EXOSC3: variants seen among roughly 807,000 people sequenced by gnomAD.
The protein encoded by EXOSC3 is exosome complex component RRP40.
EXOSC3 carries 18 observed loss-of-function variants against 25.1 expected under a neutral mutation model. The ratio of observed to expected loss-of-function variants is 0.72; its 90% CI spans 0.50 to 1.06. The LOEUF is 1.06. Among genes scored for constraint, EXOSC3 ranks in the 50% least tolerant of loss-of-function variants. EXOSC3 has a pLI of 0.00. For synonymous variants in EXOSC3, 165 were observed against 132.2 expected, an observed-to-expected ratio of 1.25 and a Z score of -1.70; for missense variants, 382 against 350.9, an observed-to-expected ratio of 1.09 and a Z score of -0.71.
chr9:37,783,251 C>A (rs1306844450), intron 2 of EXOSC3, among the ~76,000 whole-genome samples: 1 of 152,050 alleles, frequency 6.6e-6, no homozygotes, highest in Non-Finnish European at 1.5e-5. Context: ...AGCGTGGAGG[C>A]AGGGATTAAT....
chr9:37,782,617 G>C (rs1255563090), intron 2 of EXOSC3, among the ~76,000 whole-genome samples: 1 of 152,148 alleles, frequency 6.6e-6, no homozygotes, highest in East Asian at 1.9e-4. Flanking sequence ...ACTCCGGCAT[G>C]CAAATTATTC....
Position 37,780,694 on chromosome 9 carries a change from T to C in EXOSC3, c.813A>G (p.Arg271=), listed in dbSNP as rs373942170. ...TSDQRKQIFS[R]LAES Reference sequence around the variant, plus strand: ...TCCACCTATATCAACTTTCTGCCAATCTGGAGAAGATCTGTTTTCTTTGAT... The same window carrying C: ...TCCACCTATATCAACTTTCTGCCAACCTGGAGAAGATCTGTTTTCTTTGAT... The change falls in exon 4 of 4, where the codon AGA becomes AGG. Residue 271 remains arginine, a synonymous_variant. Coordinates refer to ENST00000327304, the MANE Select transcript of EXOSC3 (RefSeq NM_016042.4). The C allele has an allele frequency of 6.8e-6, 11 of 1,613,526 alleles. No homozygotes were observed. The East Asian group carries it at 2.5e-4, about 36-fold the overall frequency.
At chr9:37,783,608 T>C (rs1425863584) in intron 2 of EXOSC3, among the ~76,000 whole-genome samples, 1 of 152,158 alleles carries the variant, frequency 6.6e-6, no homozygotes, top group Non-Finnish European at 1.5e-5. Context: ...GACATCCTTG[T>C]CCAGAGGATA....
intron 3 of EXOSC3, 65 bp from the exon 4 acceptor site, chr9:37,780,945 T>C (rs1589059145): frequency 3.6e-6 from 5 of 1,372,304 alleles, no homozygotes; most frequent in East Asian, 4.8e-5. Context: ...GAGTCTCCTT[T>C]AGAATGTGAT....
intron 3 of EXOSC3, among the ~76,000 whole-genome samples, chr9:37,781,637 C>A (rs1828598183): frequency 6.6e-6 from 1 of 152,046 alleles, no homozygotes; most frequent in African/African-American, 2.4e-5. Context: ...CAACTGCAGA[C>A]TGCATCTGTA....
In EXOSC3 at chr9:37,784,057, G is replaced by C. The variant is rs2118980370; in HGVS notation, c.331C>G (p.Pro111Ala). 6.2e-7 allele frequency: 1 copy of C among 1,605,994 alleles called. No individual in the cohort carries two copies. Among genetic ancestry groups the C allele is most frequent in the South Asian group, 1.1e-5 (1 of 89,398 alleles). ...CCAATCACATGGTCTCCTTTTACTG[G>C]AACATACTACAAAAAGAAACAGAAT... ...WVDSQQKRYV[P>A]VKGDHVIGIV... The change falls in exon 2 of 4, where the codon CCA (proline) becomes GCA (alanine). Residue 111 changes from proline (P) to alanine (A), a missense_variant. Coordinates refer to ENST00000327304, the MANE Select transcript of EXOSC3 (RefSeq NM_016042.4).
intron 1 of EXOSC3, 145 bp from the exon 2 acceptor site, chr9:37,784,208 A>G: frequency 1.1e-6 from 1 of 894,638 alleles, no homozygotes; most frequent in South Asian, 1.8e-5. Context: ...AAATCACTTC[A>G]TAAAGTGCCG....
Position 37,780,573 on chromosome 9 carries a change from A to G in EXOSC3, c.*106T>C. ...ATAAAAATACTTTCGGACTCTAATA[A>G]TACATACATTCACACCTTATCTTCT... On this transcript the variant is annotated 3_prime_UTR_variant, in exon 4 of 4. Transcript: ENST00000327304. 1 of 864,600 alleles carries G rather than the reference A, an allele frequency of 1.2e-6. No homozygotes were observed. Among genetic ancestry groups the G allele is most frequent in the South Asian group, 1.6e-5 (1 of 61,876 alleles). The allele number at this position is 864,600 out of a possible 1,614,324, so 53.6% of individuals were successfully genotyped here.
chr9:37,779,901 G>C lies in EXOSC3; in HGVS notation c.*778C>G, dbSNP rs1160674816. ...GGTTAATATACTAAATAGCATAGAA[G>C]AGTTTTCTATGCTTAGCTCCTAGGA... is the stretch of plus-strand genomic sequence containing the variant. On this transcript the variant is annotated 3_prime_UTR_variant, in exon 4 of 4. Coordinates refer to ENST00000327304, the MANE Select transcript of EXOSC3 (RefSeq NM_016042.4). 1.3e-5 allele frequency: 2 copies of C among 152,120 alleles called. No homozygotes were observed. Among genetic ancestry groups the C allele is most frequent in the Admixed American group, 1.3e-4 (2 of 15,260 alleles). 9.4% of individuals were successfully genotyped at this position (152,120 alleles called of 1,614,324 possible).
In EXOSC3 at chr9:37,785,007, G is replaced by A. The variant is rs750268758; in HGVS notation, c.38C>T (p.Ala13Val). 3.1e-6 allele frequency: 5 copies of A among 1,604,558 alleles called. No homozygotes were observed. The highest frequency in any genetic ancestry group is 2.6e-6 in the Non-Finnish European group (3 of 1,174,308). ...EPASVAAESL[A>V]GSRARAARTV... Reference sequence around the variant, plus strand: ...GCGTGCAGCGCGCGCCCTGCTGCCCGCGAGAGATTCAGCCGCGACAGACGC... The same window carrying A: ...GCGTGCAGCGCGCGCCCTGCTGCCCACGAGAGATTCAGCCGCGACAGACGC... Residue 13 changes from alanine (A) to valine (V), a missense_variant, in exon 1 of 4, where the codon GCG (alanine) becomes GTG (valine). Coordinates refer to ENST00000327304, the MANE Select transcript of EXOSC3 (RefSeq NM_016042.4).
chr9:37,783,175 C>G (rs1169001533), intron 2 of EXOSC3, among the ~76,000 whole-genome samples: 1 of 152,130 alleles, frequency 6.6e-6, no homozygotes, highest in Non-Finnish European at 1.5e-5. Context: ...TTTGGAGAAT[C>G]TTGTCTTTTC....
intron 1 of EXOSC3, chr9:37,784,345 C>A (rs1239991275): frequency 1.7e-5 from 8 of 479,822 alleles, no homozygotes; most frequent in Admixed American, 1.2e-4. Flanking sequence ...ACCAAGGAAG[C>A]CCATTCCATA....
At chr9:37,783,259 A>C (rs575993793) in intron 2 of EXOSC3, among the ~76,000 whole-genome samples, 85 of 152,320 alleles carry the variant, frequency 5.6e-4, no homozygotes, top group African/African-American at 1.9e-3. Flanking sequence ...GGCAGGGATT[A>C]ATGAAGAAGT....
At chr9:37,783,725 AAAT>A (rs1052837902) in intron 2 of EXOSC3, 186 bp downstream of exon 2, 7 of 434,548 alleles carry the variant, frequency 1.6e-5, no homozygotes, top group Middle Eastern at 6.1e-4. Flanking sequence ...TAAATGTAAA[AAAT>A]AATAATAATA....
intron 1 of EXOSC3, chr9:37,784,429 C>T (rs370779292): frequency 6.3e-5 from 33 of 523,348 alleles, no homozygotes; most frequent in East Asian, 1.9e-4. Flanking sequence ...CTCATTGAGC[C>T]TAGTCCTGCC....
At position 37,784,883 on chromosome 9, in the gene EXOSC3, G is replaced by A; in HGVS notation, c.162C>T (p.Ser54=). 6.2e-7 allele frequency: 1 copy of A among 1,606,658 alleles called. No homozygotes were observed. Among genetic ancestry groups the A allele is most frequent in the Non-Finnish European group, 8.5e-7 (1 of 1,176,722 alleles). ...GPGGAVERPL[S]LNARACSRVR... ...CCCGCGAGCACGCTCTAGCATTCAG[G>A]CTCAACGGTCGCTCCACTGCACCCC... is the stretch of plus-strand genomic sequence containing the variant. The change falls in exon 1 of 4, where the codon AGC becomes AGT. Residue 54 remains serine, a synonymous_variant. Transcript: ENST00000327304.
intron 3 of EXOSC3, 79 bp from the exon 4 acceptor site, chr9:37,780,959 T>A: frequency 8.0e-7 from 1 of 1,252,236 alleles, no homozygotes; most frequent in Non-Finnish European, 1.1e-6. Flanking sequence ...ATGTGATTCC[T>A]TTTCTGAGCA....
In EXOSC3 at chr9:37,780,900, A is replaced by AAAT. The variant is rs747513459; in HGVS notation, c.627-23_627-21dup. The AAAT allele has an allele frequency of 1.9e-6, 3 of 1,604,180 alleles. No homozygotes were observed. In the South Asian group the frequency reaches 3.3e-5, roughly 18 times the overall value. The stretch of plus-strand genomic sequence containing the variant: ...AATAGCCTGGTGGGAAGAGAAAAGA[A>AAAT]AATGAAATTTAATGAAGTGGCAAAG... On this transcript the variant is annotated intron_variant, in intron 3 of 3. Transcript: ENST00000327304.
At chr9:37,784,696 C>A in intron 1 of EXOSC3, 25 bp downstream of exon 1, 1 of 1,568,528 alleles carries the variant, frequency 6.4e-7, no homozygotes, top group Non-Finnish European at 8.6e-7. Context: ...CACTGCCGCA[C>A]CACCCCTCCG....
Sources: allele counts gnomAD v4.1 joint callset (sites outside exome capture counted in the v4.1 genomes callset), GRCh38; gene constraint gnomAD v4.1.1; transcripts MANE v1.5; gene names NCBI Gene and HGNC (gene_info 2026-07-23, HGNC 2026-07-21).